Variants in ELP2 observed in about 807,000 individuals in gnomAD.
ELP2 encodes elongator acetyltransferase complex subunit 2, also known as elongator complex protein 2.
ELP2 carries 90 observed loss-of-function variants against 119.2 expected under a neutral mutation model. The observed-to-expected ratio is 0.75, with a 90% CI of 0.64 to 0.90. The LOEUF is 0.90. Among genes scored for constraint, ELP2 ranks in the 40% least tolerant of loss-of-function variants. The pLI is 0.00. For missense variants in ELP2, 921 were observed against 967.8 expected, an observed-to-expected ratio of 0.95 and a Z score of 0.64; for synonymous variants, 339 against 331.0, an observed-to-expected ratio of 1.02 and a Z score of -0.26.
intron 8 of ELP2, among the ~76,000 whole-genome samples, chr18:36,144,125 T>G (rs1334344143): frequency 1.3e-5 from 2 of 152,168 alleles, no homozygotes; most frequent in Non-Finnish European, 2.9e-5. Context: ...TTCTTGGTGG[T>G]AAAGTCCATC....
intron 10 of ELP2, 39 bp from the exon 11 acceptor site, chr18:36,146,211 C>T: frequency 6.2e-7 from 1 of 1,613,048 alleles, no homozygotes; most frequent in Non-Finnish European, 8.5e-7. Context: ...GAAACATAGA[C>T]TATTGATTAA....
At position 36,157,391 on chromosome 18, in the gene ELP2, G is replaced by GAGAGGGAGAGAGCAAAGGGA. The variant is rs2090605836; in HGVS notation, c.1464+742_1464+761dup. ...TTTGATAGGCAAAAAGAAGGGGAGA[G>GAGAGGGAGAGAGCAAAGGGA]AGAGGGAGAGAGCAAAGGGAAGAGA... On this transcript the variant is annotated intron_variant, in intron 13 of 21. Coordinates refer to ENST00000358232, the MANE Select transcript of ELP2 (RefSeq NM_018255.4). Among the ~76,000 whole-genome samples, 9 of 152,124 alleles carry GAGAGGGAGAGAGCAAAGGGA rather than the reference G, an allele frequency of 5.9e-5. No individual in the cohort carries two copies. In the South Asian group the frequency reaches 1.9e-3, roughly 32 times the overall value.
Position 36,177,523 on chromosome 18 carries a change from A to G in ELP2, c.*2882A>G, listed in dbSNP as rs995076062. On this transcript the variant is annotated 3_prime_UTR_variant, in exon 22 of 22. Transcript: ENST00000358232. Reference sequence around the variant, plus strand: ...GGGAGGAGGAAATGAGGAGTTGTTTAATGGGTATAGTGTTTCAGTTTTGCA... The same window carrying G: ...GGGAGGAGGAAATGAGGAGTTGTTTGATGGGTATAGTGTTTCAGTTTTGCA... The G allele has an allele frequency of 2.6e-5, 4 of 152,236 alleles. No homozygotes were observed. Among genetic ancestry groups the G allele is most frequent in the African/African-American group, 9.7e-5 (4 of 41,450 alleles). 9.4% of individuals were successfully genotyped at this position (152,236 alleles called of 1,614,324 possible).
chr18:36,146,142 T>C (rs891243004), intron 10 of ELP2, 94 bp downstream of exon 10: 1 of 1,573,202 alleles, frequency 6.4e-7, no homozygotes. Flanking sequence ...AAATTTTCAC[T>C]GTGTACATTA....
chr18:36,160,185 G>A (rs1355461727), intron 16 of ELP2, among the ~76,000 whole-genome samples, 170 bp downstream of exon 16: 2 of 151,658 alleles, frequency 1.3e-5, no homozygotes, highest in East Asian at 1.9e-4. Context: ...AAACCTTAAC[G>A]TTTATTTTTA....
At chr18:36,165,480 T>G (rs1395062290) in intron 18 of ELP2, among the ~76,000 whole-genome samples, 1 of 152,226 alleles carries the variant, frequency 6.6e-6, no homozygotes, top group Non-Finnish European at 1.5e-5. Flanking sequence ...TTCTTGTGTT[T>G]TAGAGAACAC....
At chr18:36,166,030 A>G (rs1185306669) in intron 18 of ELP2, among the ~76,000 whole-genome samples, 2 of 151,446 alleles carry the variant, frequency 1.3e-5, no homozygotes, top group South Asian at 2.1e-4. Context: ...TCTCTACTAA[A>G]AAAAATGTAA....
At chr18:36,173,915 G>A (rs926205086) in intron 21 of ELP2, among the ~76,000 whole-genome samples, 2 of 152,130 alleles carry the variant, frequency 1.3e-5, no homozygotes, top group Non-Finnish European at 2.9e-5. Context: ...GGGGAGGTAG[G>A]GGGTAGGGAG....
chr18:36,162,570 C>G (rs1166839567), intron 17 of ELP2, among the ~76,000 whole-genome samples: 1 of 152,082 alleles, frequency 6.6e-6, no homozygotes, highest in Non-Finnish European at 1.5e-5. Context: ...CTTTCATTCT[C>G]TTGAGTACAT....
chr18:36,169,809 T>C (rs1055176779), intron 19 of ELP2: 1 of 521,594 alleles, frequency 1.9e-6, no homozygotes, highest in Non-Finnish European at 3.5e-6. Flanking sequence ...TAGACACCTC[T>C]CTGTGGTCTC....
At chr18:36,130,711 G>A (rs1031714201) in intron 1 of ELP2, among the ~76,000 whole-genome samples, 1 of 152,130 alleles carries the variant, frequency 6.6e-6, no homozygotes, top group East Asian at 1.9e-4. Flanking sequence ...ATGCTCCCCG[G>A]AATTCATTAT....
rs2091242690 is a variant in ELP2 at position 36,177,124 on chromosome 18, T to TA, written c.*2489dup. The TA allele has an allele frequency of 6.6e-6, 1 of 152,102 alleles. No individual in the cohort carries two copies. Among genetic ancestry groups the TA allele is most frequent in the Non-Finnish European group, 1.5e-5 (1 of 68,032 alleles). 9.4% of individuals were successfully genotyped at this position (152,102 alleles called of 1,614,324 possible). On this transcript the variant is annotated 3_prime_UTR_variant, in exon 22 of 22. Coordinates refer to ENST00000358232, the MANE Select transcript of ELP2 (RefSeq NM_018255.4). Reference sequence around the variant, plus strand: ...TGTGGTCTGTAACTTATGAAATACATAAAAAATATGATGGGTGGAGTGACG... The same window carrying TA: ...TGTGGTCTGTAACTTATGAAATACATAAAAAAATATGATGGGTGGAGTGACG...
intron 9 of ELP2, among the ~76,000 whole-genome samples, chr18:36,145,746 A>G (rs1297454356): frequency 6.6e-6 from 1 of 152,256 alleles, no homozygotes; most frequent in Non-Finnish European, 1.5e-5. Flanking sequence ...ATTGCACGGT[A>G]GTAGTCTGTT....
intron 11 of ELP2, among the ~76,000 whole-genome samples, chr18:36,147,556 A>C (rs1336562973): frequency 6.6e-6 from 1 of 151,972 alleles, no homozygotes; most frequent in Non-Finnish European, 1.5e-5. Flanking sequence ...CTGGGATTAC[A>C]GGTGCCTACC....
In ELP2 at chr18:36,146,030, A is replaced by T; in HGVS notation, c.975A>T (p.Ser325=). 1.2e-6 allele frequency: 2 copies of T among 1,613,958 alleles called. No homozygotes were observed. The highest frequency in any genetic ancestry group is 1.7e-6 in the Non-Finnish European group (2 of 1,179,844). The change falls in exon 10 of 22, where the codon TCA becomes TCT. Residue 325 remains serine (S), a synonymous_variant. Transcript: ENST00000358232. ...TTCTCTGGGCTCCAGATGAAGAGTC[A>T]GGAGTTTGGCTAGAACAGGTAAAAA... ...TMILWAPDEE[S]GVWLEQVRVG...
intron 12 of ELP2, 120 bp from the exon 13 acceptor site, chr18:36,156,346 G>A (rs2090571042): frequency 2.1e-6 from 2 of 965,228 alleles, no homozygotes; most frequent in South Asian, 1.4e-5. Context: ...GTTTATTCAT[G>A]GATGAATATT....
intron 11 of ELP2, among the ~76,000 whole-genome samples, chr18:36,153,083 C>G (rs1441076489): frequency 6.6e-6 from 1 of 152,226 alleles, no homozygotes; most frequent in African/African-American, 2.4e-5. Context: ...GGTCCAGCCT[C>G]AAGTCCTTAT....
intron 1 of ELP2, among the ~76,000 whole-genome samples, chr18:36,130,353 C>T (rs1044130499): frequency 6.6e-6 from 1 of 152,208 alleles, no homozygotes; most frequent in African/African-American, 2.4e-5. Flanking sequence ...AAGCATCTTA[C>T]CTGAAGCCTT....
At chr18:36,141,870 T>C (rs2090042370) in intron 6 of ELP2, among the ~76,000 whole-genome samples, 1 of 152,036 alleles carries the variant, frequency 6.6e-6, no homozygotes, top group South Asian at 2.1e-4. Flanking sequence ...TTTAAATTTT[T>C]TGTAGACACA....
Sources: gnomAD v4.1 joint callset for allele counts (sites outside exome capture counted in the v4.1 genomes callset) on GRCh38, gnomAD v4.1.1 for gene constraint, MANE v1.5 for transcripts, NCBI Gene and HGNC (gene_info 2026-07-23, HGNC 2026-07-21) for gene names.